Variants in PTPRT observed in about 807,000 individuals in gnomAD.
The protein encoded by PTPRT is receptor-type tyrosine-protein phosphatase T.
Under a neutral mutation model 176.8 loss-of-function variants are expected in PTPRT, and 56 were observed. That is an observed-to-expected ratio of 0.32 (90% CI 0.26 to 0.40). The LOEUF (loss-of-function observed/expected upper bound fraction) is 0.40, where lower values mean the gene tolerates loss of function less well. PTPRT is among the 10% of genes least tolerant of loss of function. The pLI is 1.00. For missense variants in PTPRT, 1,540 were observed against 1,908.2 expected, an observed-to-expected ratio of 0.81 and a Z score of 3.60; for synonymous variants, 783 against 739.0, an observed-to-expected ratio of 1.06 and a Z score of -0.96.
intron 7 of PTPRT, among the ~76,000 whole-genome samples, chr20:42,568,777 C>A (rs185747034): frequency 3.3e-4 from 50 of 151,928 alleles, no homozygotes; most frequent in Middle Eastern, 3.4e-3. Flanking sequence ...CGGCTAGGCA[C>A]GGTGGCTCAT....
intron 13 of PTPRT, among the ~76,000 whole-genome samples, chr20:42,269,559 G>A (rs958703229): frequency 2.6e-5 from 4 of 152,222 alleles, no homozygotes; most frequent in Admixed American, 2.6e-4. Context: ...CCTCTGACAT[G>A]AGTGGGCTCT....
At chr20:42,579,176 G>C (rs2073325306) in intron 7 of PTPRT, among the ~76,000 whole-genome samples, 1 of 150,262 alleles carries the variant, frequency 6.7e-6, no homozygotes, top group African/African-American at 2.5e-5. Flanking sequence ...TTTTGTCCTT[G>C]TGAGAGTTTG....
At chr20:43,116,608 CCT>C (rs1278519250) in intron 1 of PTPRT, among the ~76,000 whole-genome samples, 2 of 152,194 alleles carry the variant, frequency 1.3e-5, no homozygotes, top group Non-Finnish European at 2.9e-5. Context: ...AGAAATCCTA[CCT>C]GATGAGCCCT....
intron 9 of PTPRT, among the ~76,000 whole-genome samples, chr20:42,363,286 ATATATATATATATATTTTTTT>A (rs1465167048): frequency 6.8e-5 from 2 of 29,320 alleles, no homozygotes; most frequent in South Asian, 1.4e-3. Context: ...ATATATATAT[ATATATATATATATATTTTTTT>A]TTTTTTTTTT....
chr20:42,431,057 TACTC>T (rs2145801476), intron 9 of PTPRT, among the ~76,000 whole-genome samples: 1 of 152,298 alleles, frequency 6.6e-6, no homozygotes, highest in South Asian at 2.1e-4. Flanking sequence ...AATACACAAA[TACTC>T]TAAACAGAGG....
chr20:42,612,443 A>G (rs971802008), intron 7 of PTPRT, among the ~76,000 whole-genome samples: 2 of 151,662 alleles, frequency 1.3e-5, no homozygotes, highest in African/African-American at 4.8e-5. Flanking sequence ...AGCAGCTGAG[A>G]CTCCCCTGTT....
chr20:42,060,461 T>C, the PTPRT span, among the ~76,000 whole-genome samples: 1 of 152,190 alleles, frequency 6.6e-6, no homozygotes, highest in African/African-American at 2.4e-5. Flanking sequence ...CACCCAAATC[T>C]CCTCCTGAAT....
intron 3 of PTPRT, among the ~76,000 whole-genome samples, chr20:42,788,831 A>G (rs1367905374): frequency 1.3e-5 from 2 of 152,144 alleles, no homozygotes; most frequent in Admixed American, 6.5e-5. Flanking sequence ...TCATCTCCCC[A>G]TCCACAAGTT....
intron 1 of PTPRT, among the ~76,000 whole-genome samples, chr20:43,156,565 T>C (rs1219575430): frequency 1.3e-5 from 2 of 152,216 alleles, no homozygotes; most frequent in African/African-American, 4.8e-5. Flanking sequence ...TGTTGGCCCA[T>C]GGTTCCAAAA....
chr20:42,203,932 C>A (rs903103082), intron 15 of PTPRT, among the ~76,000 whole-genome samples: 1 of 152,208 alleles, frequency 6.6e-6, no homozygotes, highest in African/African-American at 2.4e-5. Context: ...ACAAGAACTT[C>A]TTGGGAAAGG....
At chr20:42,820,539 G>A (rs886987865) in intron 2 of PTPRT, among the ~76,000 whole-genome samples, 1 of 151,968 alleles carries the variant, frequency 6.6e-6, no homozygotes, top group African/African-American at 2.4e-5. Context: ...TAATCCAAAA[G>A]CTAGCAGAAG....
intron 7 of PTPRT, among the ~76,000 whole-genome samples, chr20:42,579,593 T>C (rs2073333765): frequency 6.6e-6 from 1 of 152,216 alleles, no homozygotes; most frequent in South Asian, 2.1e-4. Flanking sequence ...TTTTTAATGA[T>C]GGCCATTCTA....
At chr20:42,525,586 C>T (rs758717088) in intron 7 of PTPRT, among the ~76,000 whole-genome samples, 1 of 152,194 alleles carries the variant, frequency 6.6e-6, no homozygotes, top group Non-Finnish European at 1.5e-5. Context: ...CCAACATATA[C>T]GTAATTGTTA....
Position 42,763,161 on chromosome 20 carries a change from G to A in PTPRT, c.685-6525C>T, listed in dbSNP as rs573030533. Among the ~76,000 whole-genome samples the A allele has an allele frequency of 2.6e-5, 4 of 152,246 alleles. No individual in the cohort carries two copies. The South Asian group carries it at 8.3e-4, about 32-fold the overall frequency. ...TCCTACCGTCTGATTATCTATCAAG[G>A]TTTCTGTAATGGCCTTGCCATTTTG... On this transcript the variant is annotated intron_variant, in intron 5 of 30. Transcript: ENST00000373187.
intron 1 of PTPRT, among the ~76,000 whole-genome samples, chr20:43,058,621 C>CAAAA (rs1987335162): frequency 1.3e-5 from 2 of 152,124 alleles, no homozygotes; most frequent in African/African-American, 2.4e-5. Context: ...GCAATAAACG[C>CAAAA]TTCATGCAAA....
At chr20:42,139,059 C>A (rs1988506525) in intron 18 of PTPRT, among the ~76,000 whole-genome samples, 1 of 152,244 alleles carries the variant, frequency 6.6e-6, no homozygotes, top group South Asian at 2.1e-4. Context: ...GGCAGGAACA[C>A]TTTCCATTCC....
chr20:42,688,541 T>C (rs1383391508), intron 6 of PTPRT: 1 of 152,210 alleles, frequency 6.6e-6, no homozygotes, highest in Admixed American at 6.5e-5. Flanking sequence ...TTCCCTTCAA[T>C]AAAAACCCTC....
chr20:42,714,291 C>A (rs570264849), intron 6 of PTPRT, among the ~76,000 whole-genome samples: 1 of 152,186 alleles, frequency 6.6e-6, no homozygotes, highest in East Asian at 1.9e-4. Flanking sequence ...GCCTGATGAG[C>A]ATTTTCTCAC....
chr20:43,143,078 G>A (rs1378489454), intron 1 of PTPRT, among the ~76,000 whole-genome samples: 1 of 152,114 alleles, frequency 6.6e-6, no homozygotes, highest in Non-Finnish European at 1.5e-5. Flanking sequence ...CCTTCCAAGA[G>A]ACCCTGCCCT....
Sources: gnomAD v4.1 joint callset for allele counts (sites outside exome capture counted in the v4.1 genomes callset) on GRCh38, gnomAD v4.1.1 for gene constraint, MANE v1.5 for transcripts, NCBI Gene and HGNC (gene_info 2026-07-23, HGNC 2026-07-21) for gene names.